HACD4: variants seen among roughly 807,000 people sequenced by gnomAD.
HACD4 encodes very-long-chain (3R)-3-hydroxyacyl-CoA dehydratase 4.
A neutral mutation model predicts 33.3 loss-of-function variants in HACD4; 35 were observed. That is an observed-to-expected ratio of 1.05 (90% CI 0.80 to 1.39). The LOEUF is 1.39. HACD4 is among the 40% of genes most tolerant of loss of function. The probability of loss-of-function intolerance (pLI) is 0.00; values close to 1 mark genes in which losing one functional copy is unlikely to be tolerated. For missense variants in HACD4, 323 were observed against 276.5 expected, an observed-to-expected ratio of 1.17 and a Z score of -1.19; for synonymous variants, 118 against 98.0, an observed-to-expected ratio of 1.20 and a Z score of -1.21.
At chr9:21,027,658 G>GC (rs1818097305) in intron 2 of HACD4, among the ~76,000 whole-genome samples, 1 of 152,214 alleles carries the variant, frequency 6.6e-6, no homozygotes. Flanking sequence ...AAGGAAGAAG[G>GC]TAGCAGGTAT....
At position 21,031,553 on chromosome 9, in the gene HACD4, C is replaced by T. The variant is rs1358115394; in HGVS notation, c.38G>A (p.Arg13Lys). The change falls in exon 1 of 7, where the codon AGG (arginine) becomes AAG (lysine). Residue 13 changes from arginine (R) to lysine (K), a missense_variant and splice_region_variant. Transcript: ENST00000495827. ...PLALPAWLQP[R>K]YRKNAYLFIY... Reference sequence around the variant, plus strand: ...CTCGGGATTCGGCCGAGCGCCCTACCTGGGCTGCAGCCAGGCGGGCAGCGC... The same window carrying T: ...CTCGGGATTCGGCCGAGCGCCCTACTTGGGCTGCAGCCAGGCGGGCAGCGC... The T allele has an allele frequency of 7.5e-6, 11 of 1,461,374 alleles. No homozygotes were observed. The highest frequency in any genetic ancestry group is 2.5e-5 in the Admixed American group (1 of 39,732). 90.5% of individuals were successfully genotyped at this position (1,461,374 alleles called of 1,614,324 possible).
chr9:21,012,111 C>G (rs1231614898), intron 4 of HACD4, among the ~76,000 whole-genome samples: 2 of 152,172 alleles, frequency 1.3e-5, no homozygotes, highest in African/African-American at 4.8e-5. Context: ...TATTTGGCAT[C>G]CTTCTGCTTC....
intron 5 of HACD4, among the ~76,000 whole-genome samples, chr9:21,009,793 AAC>A (rs1458278534): frequency 6.6e-6 from 1 of 152,160 alleles, no homozygotes; most frequent in Non-Finnish European, 1.5e-5. Context: ...CCCTTTGACC[AAC>A]AGCTCCCAAT....
rs563128624 is a variant in HACD4, at chr9:21,001,459, A to G, written c.*5578T>C. 5 of 152,200 alleles carry G rather than the reference A, an allele frequency of 3.3e-5. No homozygotes were observed. Among genetic ancestry groups the G allele is most frequent in the African/African-American group, 1.2e-4 (5 of 41,558 alleles). 9.4% of individuals were successfully genotyped at this position (152,200 alleles called of 1,614,324 possible). On this transcript the variant is annotated 3_prime_UTR_variant, in exon 7 of 7. Coordinates refer to ENST00000495827, the MANE Select transcript of HACD4 (RefSeq NM_001010915.5). ...TGGGACCCATCAAGCAGACCAACAT[A>G]CACATTGTGAGGATCCCAGAAGGAA...
rs569093966 is a variant in HACD4, at chr9:21,002,177, T to A, written c.*4860A>T. On this transcript the variant is annotated 3_prime_UTR_variant, in exon 7 of 7. Coordinates refer to ENST00000495827, the MANE Select transcript of HACD4 (RefSeq NM_001010915.5). ...ATAAGTCCAAATTACCTTCCGGATATTAAATGTCACCCTATGGTAACCACA... is the reference window on the plus strand; with the variant it reads ...ATAAGTCCAAATTACCTTCCGGATAATAAATGTCACCCTATGGTAACCACA... 1.5e-4 allele frequency: 23 copies of A among 152,092 alleles called. No homozygotes were observed. The highest frequency in any genetic ancestry group is 2.5e-4 in the Non-Finnish European group (17 of 67,966). The allele number at this position is 152,092 out of a possible 1,614,324, so 9.4% of individuals were successfully genotyped here.
Position 21,002,702 on chromosome 9 carries a change from T to C in HACD4, c.*4335A>G, listed in dbSNP as rs187252989. The C allele has an allele frequency of 7.8e-4, 119 of 152,242 alleles. 1 individual carries two copies. The highest frequency in any genetic ancestry group is 2.7e-3 in the African/African-American group (113 of 41,548). 9.4% of individuals were successfully genotyped at this position (152,242 alleles called of 1,614,324 possible). A position where few individuals can be genotyped will look rare whatever the true frequency, so the allele number is the denominator to read the frequency against. On this transcript the variant is annotated 3_prime_UTR_variant, in exon 7 of 7. Coordinates refer to ENST00000495827, the MANE Select transcript of HACD4 (RefSeq NM_001010915.5). The stretch of plus-strand genomic sequence containing the variant: ...ACTGCACACTTAAAAAGGAATAAGA[T>C]AGTATATTTTACATTTTACCACAAT...
chr9:21,010,270 T>A (rs1234237962), intron 5 of HACD4, among the ~76,000 whole-genome samples: 1 of 152,216 alleles, frequency 6.6e-6, no homozygotes, highest in Non-Finnish European at 1.5e-5. Flanking sequence ...AAAGCATATA[T>A]TCTCCAAATA....
chr9:21,030,997 G>A (rs1240771219), intron 1 of HACD4, among the ~76,000 whole-genome samples: 1 of 152,148 alleles, frequency 6.6e-6, no homozygotes, highest in Non-Finnish European at 1.5e-5. Context: ...GAGGCAGAAT[G>A]ATTTTTATTT....
chr9:21,016,263 CT>C (rs1564274349), intron 3 of HACD4, among the ~76,000 whole-genome samples: 1 of 151,966 alleles, frequency 6.6e-6, no homozygotes, highest in Non-Finnish European at 1.5e-5. Context: ...AGGATATTTC[CT>C]TTCTTCTTGC....
intron 4 of HACD4, among the ~76,000 whole-genome samples, chr9:21,013,869 T>A (rs796508812): frequency 7.2e-5 from 11 of 152,314 alleles, no homozygotes; most frequent in African/African-American, 2.6e-4. Flanking sequence ...CATCTGCCAA[T>A]AGAGATAGTT....
intron 1 of HACD4, among the ~76,000 whole-genome samples, chr9:21,029,854 G>A (rs1053121562): frequency 1.3e-5 from 2 of 152,022 alleles, no homozygotes; most frequent in Admixed American, 6.6e-5. Flanking sequence ...TGGGAGCTGC[G>A]GCCTGATGCC....
Position 21,008,285 on chromosome 9 carries a change from C to A in HACD4, c.491-139G>T, listed in dbSNP as rs891066135. 9 of 725,072 alleles carry A rather than the reference C, an allele frequency of 1.2e-5. No homozygotes were observed. In the African/African-American group the frequency reaches 1.7e-4, roughly 13 times the overall value. 44.9% of individuals were successfully genotyped at this position (725,072 alleles called of 1,614,324 possible). A position where few individuals can be genotyped will look rare whatever the true frequency, so the allele number is the denominator to read the frequency against. Reference sequence around the variant, plus strand: ...ATAGTTGCTGAATCTTTTTGCTAAACCTAGTTTAATATAGAAATCTGTGAA... The same window carrying A: ...ATAGTTGCTGAATCTTTTTGCTAAAACTAGTTTAATATAGAAATCTGTGAA... On this transcript the variant is annotated intron_variant, in intron 5 of 6. Coordinates refer to ENST00000495827, the MANE Select transcript of HACD4 (RefSeq NM_001010915.5).
chr9:21,022,033 T>A (rs184615540), intron 3 of HACD4, among the ~76,000 whole-genome samples: 3 of 152,112 alleles, frequency 2.0e-5, no homozygotes, highest in Admixed American at 1.3e-4. Flanking sequence ...AAAACAGAGA[T>A]ATAGACCAAT....
At position 21,015,755 on chromosome 9, in the gene HACD4, A is replaced by T. The variant is rs1002052156; in HGVS notation, c.383+143T>A. 21 of 541,058 alleles carry T rather than the reference A, an allele frequency of 3.9e-5. No homozygotes were observed. The African/African-American group carries it at 4.1e-4, about 10-fold the overall frequency. 33.5% of individuals were successfully genotyped at this position (541,058 alleles called of 1,614,324 possible). A position where few individuals can be genotyped will look rare whatever the true frequency, so the allele number is the denominator to read the frequency against. Reference sequence around the variant, plus strand: ...GCCCATTATGGAGAACACTAAAAATACATTTCCATATCAAGATAAAATAAT... The same window carrying T: ...GCCCATTATGGAGAACACTAAAAATTCATTTCCATATCAAGATAAAATAAT... On this transcript the variant is annotated intron_variant, in intron 4 of 6. Coordinates refer to ENST00000495827, the MANE Select transcript of HACD4 (RefSeq NM_001010915.5).
At chr9:21,029,154 G>C (rs1214940757) in intron 2 of HACD4, 141 bp downstream of exon 2, 1 of 566,532 alleles carries the variant, frequency 1.8e-6, no homozygotes, top group African/African-American at 1.9e-5. Context: ...AGAAGGTTTT[G>C]CAATAAACAT....
At chr9:21,021,150 C>A (rs1463601505) in intron 3 of HACD4, among the ~76,000 whole-genome samples, 1 of 152,136 alleles carries the variant, frequency 6.6e-6, no homozygotes, top group African/African-American at 2.4e-5. Context: ...TCAATAGATG[C>A]AGAAAAGGCC....
At chr9:21,021,948 C>T (rs1322577817) in intron 3 of HACD4, among the ~76,000 whole-genome samples, 25 of 152,038 alleles carry the variant, frequency 1.6e-4, no homozygotes, top group African/African-American at 6.0e-4. Flanking sequence ...AAGAACAAAG[C>T]TAGAGGCATC....
intron 3 of HACD4, among the ~76,000 whole-genome samples, chr9:21,022,272 C>T (rs1348237278): frequency 6.6e-6 from 1 of 152,080 alleles, no homozygotes; most frequent in Non-Finnish European, 1.5e-5. Context: ...CCATAAAAAC[C>T]CTAGAAGAAC....
chr9:21,026,765 A>G, intron 2 of HACD4, 42 bp from the exon 3 acceptor site: 2 of 1,578,224 alleles, frequency 1.3e-6, no homozygotes, highest in South Asian at 1.1e-5. Flanking sequence ...GGAAGAAAAA[A>G]CTGGATTATA....
Sources: gnomAD v4.1 joint callset for allele counts (sites outside exome capture counted in the v4.1 genomes callset) on GRCh38, gnomAD v4.1.1 for gene constraint, MANE v1.5 for transcripts, NCBI Gene and HGNC (gene_info 2026-07-23, HGNC 2026-07-21) for gene names.